The following CDH23 variants were observed in gnomAD, a reference collection of about 807,000 sequenced individuals.
The protein encoded by CDH23 is cadherin-23.
In CDH23, 189 loss-of-function variants were observed where a neutral mutation model predicts 317.1. That is an observed-to-expected ratio of 0.60 (90% CI 0.53 to 0.67). CDH23 has a LOEUF of 0.67. CDH23 is among the 30% of genes least tolerant of loss of function. The pLI is 0.00. For synonymous variants in CDH23, 1,839 were observed against 1,876.8 expected (o/e 0.98, Z 0.52); for missense variants, 4,401 against 4,592.4 (o/e 0.96, Z 1.20).
chr10:71,684,979 G>A (rs1460304806), intron 18 of CDH23, among the ~76,000 whole-genome samples: 1 of 152,248 alleles, frequency 6.6e-6, no homozygotes, highest in Admixed American at 6.5e-5. Context: ...CTGAGGCTCA[G>A]GGAGGACCCA....
intron 38 of CDH23, chr10:71,761,840 C>A (rs374460058): frequency 3.1e-6 from 5 of 1,613,992 alleles, no homozygotes; most frequent in Non-Finnish European, 3.4e-6. Flanking sequence ...CGTGAGGTTG[C>A]GGATGGGCCG....
chr10:71,621,442 T>G (rs1861462515), intron 11 of CDH23, among the ~76,000 whole-genome samples: 3 of 152,200 alleles, frequency 2.0e-5, no homozygotes, highest in Admixed American at 2.0e-4. Flanking sequence ...GCATGCTTAG[T>G]TTGGCTCACC....
chr10:71,547,805 C>T (rs1856366427), intron 6 of CDH23, among the ~76,000 whole-genome samples: 3 of 152,222 alleles, frequency 2.0e-5, no homozygotes, highest in African/African-American at 7.2e-5. Flanking sequence ...CGTGCTGAAT[C>T]TATGCCGTCT....
At chr10:71,563,700 C>CT (rs1250959627) in intron 6 of CDH23, among the ~76,000 whole-genome samples, 1 of 149,936 alleles carries the variant, frequency 6.7e-6, no homozygotes, top group Non-Finnish European at 1.5e-5. Context: ...AGGAGACTCT[C>CT]TTTTTTTCAC....
At chr10:71,790,929 C>G in intron 46 of CDH23, 1 of 599,986 alleles carries the variant, frequency 1.7e-6, no homozygotes, top group Non-Finnish European at 3.0e-6. Context: ...GGGACAACCA[C>G]AGGAAATGCA....
intron 31 of CDH23, 33 bp from the exon 32 acceptor site, chr10:71,731,954 C>A (rs747355673): frequency 6.2e-7 from 1 of 1,601,138 alleles, no homozygotes; most frequent in Non-Finnish European, 8.5e-7. Context: ...TCAGTTCTAT[C>A]TGGGACTGCA....
At chr10:71,408,742 C>T (rs1195690817) in intron 1 of CDH23, among the ~76,000 whole-genome samples, 2 of 152,178 alleles carry the variant, frequency 1.3e-5, no homozygotes, top group Non-Finnish European at 2.9e-5. Context: ...CCTCGTTGCA[C>T]CTGTGTGTTT....
At chr10:71,603,107 T>C (rs182074430) in intron 9 of CDH23, among the ~76,000 whole-genome samples, 1 of 152,214 alleles carries the variant, frequency 6.6e-6, no homozygotes, top group Admixed American at 6.5e-5. Flanking sequence ...CCCGAGAAGC[T>C]TCATCCCTGG....
In CDH23 at chr10:71,595,395, G is replaced by A. The variant is rs140257588; in HGVS notation, c.832+17403G>A. Among the ~76,000 whole-genome samples, 262 of 151,998 alleles carry A rather than the reference G, an allele frequency of 1.7e-3. 3 individuals are homozygous for A. Among genetic ancestry groups the A allele is most frequent in the African/African-American group, 5.9e-3 (243 of 41,452 alleles). On this transcript the variant is annotated intron_variant, in intron 9 of 69. Coordinates refer to ENST00000224721, the MANE Select transcript of CDH23 (RefSeq NM_022124.6). ...CCCAGGAAGCCTTCCCTGACCACCC[G>A]CTTGCATCATCTACTTAACTGACAG...
chr10:71,628,285 C>T (rs536433767), intron 11 of CDH23, among the ~76,000 whole-genome samples: 3 of 152,316 alleles, frequency 2.0e-5, no homozygotes, highest in Admixed American at 6.5e-5. Context: ...CTTGCCCAGG[C>T]GCCTACTAAC....
Position 71,730,449 on chromosome 10 carries a change from C to T in CDH23, c.3580-20C>T. Reference sequence around the variant, plus strand: ...CCTCCACCCCACCCTGACCTTGCACCCCTGGCCCGGCTCCCACAGGTGATT... The same window carrying T: ...CCTCCACCCCACCCTGACCTTGCACTCCTGGCCCGGCTCCCACAGGTGATT... On this transcript the variant is annotated intron_variant, in intron 30 of 69. Coordinates refer to ENST00000224721, the MANE Select transcript of CDH23 (RefSeq NM_022124.6). 3 of 1,612,498 alleles carry T rather than the reference C, an allele frequency of 1.9e-6. No individual in the cohort carries two copies. The highest frequency in any genetic ancestry group is 2.5e-6 in the Non-Finnish European group (3 of 1,179,540).
chr10:71,601,409 G>A (rs1163529999), intron 9 of CDH23, among the ~76,000 whole-genome samples: 2 of 152,192 alleles, frequency 1.3e-5, no homozygotes, highest in Non-Finnish European at 2.9e-5. Context: ...AGCCCTATAA[G>A]ATAAGAATTA....
chr10:71,785,725 G>T lies in CDH23; in HGVS notation c.5807G>T (p.Arg1936Leu). 6.2e-7 allele frequency: 1 copy of T among 1,601,428 alleles called. No homozygotes were observed. Residue 1936 changes from arginine to leucine, a missense_variant, in exon 44 of 70, where the codon CGC (arginine) becomes CTC (leucine). This residue lies in a region of CDH23 where 3,068 missense variants were observed against 3,203.3 expected (regional missense o/e 0.96). Transcript: ENST00000224721. ...GTGAAGGACAACCCGGAGAATCCACGCATAGCCAGGAGGGTGAGACTGGAG... is the reference window on the plus strand; with the variant it reads ...GTGAAGGACAACCCGGAGAATCCACTCATAGCCAGGAGGGTGAGACTGGAG... ...ISVKDNPENP[R>L]IARRDYDLLL...
intron 9 of CDH23, among the ~76,000 whole-genome samples, chr10:71,591,494 G>A (rs1346062049): frequency 6.6e-6 from 1 of 152,120 alleles, no homozygotes; most frequent in African/African-American, 2.4e-5. Context: ...TAACCATGGA[G>A]GCAAACGACA....
intron 18 of CDH23, among the ~76,000 whole-genome samples, chr10:71,685,190 G>A (rs528700594): frequency 2.0e-5 from 3 of 152,324 alleles, no homozygotes; most frequent in African/African-American, 4.8e-5. Flanking sequence ...AGGCAGATTC[G>A]TATTTAGTGG....
In CDH23 at chr10:71,682,473, T is replaced by C. The variant is rs2132682520; in HGVS notation, c.1887T>C (p.Tyr629=). 2.5e-6 allele frequency: 4 copies of C among 1,612,708 alleles called. No individual in the cohort carries two copies. The Admixed American group carries it at 5.0e-5, about 20-fold the overall frequency. ...GVISVSRPLD[Y]EQISNGLIYL... is the part of the protein sequence containing the mutation. Reference sequence around the variant, plus strand: ...TCAGCGTCAGTCGCCCCCTGGATTATGAACAGATATCCAATGGGCTGATTT... The same window carrying C: ...TCAGCGTCAGTCGCCCCCTGGATTACGAACAGATATCCAATGGGCTGATTT... Residue 629 remains tyrosine (Y), a synonymous_variant, in exon 18 of 70, where the codon TAT becomes TAC. Coordinates refer to ENST00000224721, the MANE Select transcript of CDH23 (RefSeq NM_022124.6).
rs148266110 is a variant in CDH23, at chr10:71,477,856, T to C, written c.145+31461T>C. ...CCTTTCTCTCTCTGCTGGGCTCTTA[T>C]TATCCCGGCTTAGGCAGGACTGGTA... On this transcript the variant is annotated intron_variant, in intron 3 of 69. Coordinates refer to ENST00000224721, the MANE Select transcript of CDH23 (RefSeq NM_022124.6). Among the ~76,000 whole-genome samples the C allele has an allele frequency of 1.2e-3, 177 of 152,248 alleles. 1 individual carries two copies. The highest frequency in any genetic ancestry group is 4.2e-3 in the African/African-American group (173 of 41,536).
Position 71,812,767 on chromosome 10 carries a change from G to A in CDH23, c.9511-1G>A, listed in dbSNP as rs1293118415. ...CTCCAGCTAACATCCCCTCTCCCCA[G>A]GGAACTTTTGGGCGTGAGCCAGCAG... On this transcript the variant is annotated splice_acceptor_variant, in intron 67 of 69. Transcript: ENST00000224721. LOFTEE classifies it high-confidence loss of function. 1 of 1,613,232 alleles carries A rather than the reference G, an allele frequency of 6.2e-7. No homozygotes were observed. The highest frequency in any genetic ancestry group is 1.7e-5 in the Admixed American group (1 of 59,852).
chr10:71,805,814 G>A lies in CDH23; in HGVS notation c.7881G>A (p.Pro2627=), dbSNP rs370083132. 3 of 1,612,680 alleles carry A rather than the reference G, an allele frequency of 1.9e-6. No individual in the cohort carries two copies. Among genetic ancestry groups the A allele is most frequent in the African/African-American group, 2.7e-5 (2 of 74,912 alleles). ...CCCCATGCTCCCCACAGGAGATCCC[G>A]CTGCGCTCCAACGTGTACGAGGTCT... ...GTILHIREEI[P]LRSNVYEVYA... is the part of the protein sequence containing the mutation. Residue 2627 remains proline, a synonymous_variant, in exon 56 of 70, where the codon CCG becomes CCA. Transcript: ENST00000224721.
Sources: gnomAD v4.1 joint callset for allele counts (sites outside exome capture counted in the v4.1 genomes callset) on GRCh38, gnomAD v4.1.1 for gene constraint, gnomAD v4.1.1 regional missense constraint, MANE v1.5 for transcripts, NCBI Gene and HGNC (gene_info 2026-07-23, HGNC 2026-07-21) for gene names.